The following PRKCB variants were observed in gnomAD, a reference collection of about 807,000 sequenced individuals.
The protein encoded by PRKCB is protein kinase C beta type.
A neutral mutation model predicts 81.5 loss-of-function variants in PRKCB; 13 were observed. The observed-to-expected ratio is 0.16, with a 90% CI of 0.10 to 0.25. The LOEUF (loss-of-function observed/expected upper bound fraction) is 0.25, where lower values mean the gene tolerates loss of function less well. PRKCB is among the 10% of genes least tolerant of loss of function. PRKCB has a pLI of 1.00. For missense variants in PRKCB, 509 were observed against 875.7 expected, an observed-to-expected ratio of 0.58 and a Z score of 5.29; for synonymous variants, 335 against 321.4, an observed-to-expected ratio of 1.04 and a Z score of -0.45.
rs188854961 is a variant in PRKCB, at chr16:24,195,287, C to T, written c.1863+4057C>T. Among the ~76,000 whole-genome samples the T allele has an allele frequency of 3.3e-3, 501 of 152,240 alleles. 1 individual carries two copies. Among genetic ancestry groups the T allele is most frequent in the Admixed American group, 5.2e-3 (79 of 15,292 alleles). On this transcript the variant is annotated intron_variant, in intron 16 of 16. Coordinates refer to ENST00000643927, the MANE Select transcript of PRKCB (RefSeq NM_002738.7). ...CATTGCAAATGCATTGCATGAGAGC[C>T]CTCCTCCCCCCAATCCCAGGATTTT...
Position 23,875,756 on chromosome 16 carries a change from A to ATGTG in PRKCB, c.205+38353_205+38354insGTGT, listed in dbSNP as rs1567298756. ...ATATATGTATGTATATCACACATAT[A>ATGTG]TGTATGTATATCACACATATATGTG... On this transcript the variant is annotated intron_variant, in intron 2 of 16. Coordinates refer to ENST00000643927, the MANE Select transcript of PRKCB (RefSeq NM_002738.7). 1.7e-3 allele frequency among the ~76,000 whole-genome samples: 236 copies of ATGTG among 135,848 alleles called. 8 individuals carry two copies. The highest frequency in any genetic ancestry group is 4.5e-3 in the Middle Eastern group (1 of 222). 89.1% of individuals were successfully genotyped at this position (135,848 alleles called of 152,430 possible).
intron 5 of PRKCB, among the ~76,000 whole-genome samples, chr16:24,086,326 A>C (rs1966310295): frequency 6.6e-6 from 1 of 152,096 alleles, no homozygotes; most frequent in Non-Finnish European, 1.5e-5. Flanking sequence ...CCAACAGATA[A>C]CTGAAACAGG....
intron 2 of PRKCB, among the ~76,000 whole-genome samples, chr16:23,933,844 T>TCATC (rs58975374): frequency 0.042 from 4,973 of 118,320 alleles, 167 homozygotes; most frequent in African/African-American, 0.08. Context: ...GATTTTCTAT[T>TCATC]CATCCATCCA....
In PRKCB at chr16:23,896,883, ACCATCCATCCAT is replaced by A. The variant is rs55662090; in HGVS notation, c.205+59509_205+59520del. Among the ~76,000 whole-genome samples the A allele has an allele frequency of 4.1e-3, 612 of 149,256 alleles. 4 individuals carry two copies. The highest frequency in any genetic ancestry group is 0.013 in the African/African-American group (522 of 40,374). On this transcript the variant is annotated intron_variant, in intron 2 of 16. Transcript: ENST00000643927. ...GGAAGGCTCTTCATCCATCCATCCA[ACCATCCATCCAT>A]CCATCCATCCATCCATCCATCCATC...
rs1360063482 is a variant in PRKCB at position 24,215,639 on chromosome 16, CA to C, written c.*831del. The C allele has an allele frequency of 6.2e-6, 6 of 964,182 alleles. No homozygotes were observed. The South Asian group carries it at 1.5e-4, about 23-fold the overall frequency. The allele number at this position is 964,182 out of a possible 1,614,324, so 59.7% of individuals were successfully genotyped here. On this transcript the variant is annotated 3_prime_UTR_variant, in exon 17 of 17. Transcript: ENST00000643927. ...TTTTGTTTCTGTTGTTGTTCAAATG[CA>C]AAAAAAAGAAAAAAAAAGAAAAAAA... is the stretch of plus-strand genomic sequence containing the variant.
At chr16:23,873,935 A>T (rs1962953587) in intron 2 of PRKCB, among the ~76,000 whole-genome samples, 1 of 152,134 alleles carries the variant, frequency 6.6e-6, no homozygotes, top group South Asian at 2.1e-4. Flanking sequence ...ATGATACTAG[A>T]TTCTTGCCTC....
chr16:24,088,714 CAAA>C (rs56883594), intron 5 of PRKCB, among the ~76,000 whole-genome samples: 2,451 of 113,582 alleles, frequency 0.022, 39 homozygotes, highest in African/African-American at 0.057. Flanking sequence ...GACCCTGTGT[CAAA>C]AAAAAAAAAA....
At chr16:23,931,158 T>A (rs1162579694) in intron 2 of PRKCB, among the ~76,000 whole-genome samples, 1 of 152,230 alleles carries the variant, frequency 6.6e-6, no homozygotes, top group Non-Finnish European at 1.5e-5. Context: ...ACTGTCCAGC[T>A]TTTTTATCTT....
chr16:23,883,911 T>A (rs1038358699), intron 2 of PRKCB, among the ~76,000 whole-genome samples: 2 of 152,212 alleles, frequency 1.3e-5, no homozygotes, highest in Non-Finnish European at 2.9e-5. Flanking sequence ...ATTAAAATGG[T>A]CAAAGGAAAC....
rs1311777305 is a variant in PRKCB, at chr16:24,217,277, A to G, written c.*2461A>G. ...GTTTGCAGAAATAGATACTCAAGCC[A>G]AAGTCTGTTTTAGAGAAACTTTCCA... On this transcript the variant is annotated 3_prime_UTR_variant, in exon 17 of 17. Coordinates refer to ENST00000643927, the MANE Select transcript of PRKCB (RefSeq NM_002738.7). 5 of 985,306 alleles carry G rather than the reference A, an allele frequency of 5.1e-6. No individual in the cohort carries two copies. The highest frequency in any genetic ancestry group is 6.0e-6 in the Non-Finnish European group (5 of 829,918). 61.0% of individuals were successfully genotyped at this position (985,306 alleles called of 1,614,324 possible).
chr16:24,166,934 C>G (rs1190240997), intron 10 of PRKCB, among the ~76,000 whole-genome samples: 1 of 151,948 alleles, frequency 6.6e-6, no homozygotes, highest in Non-Finnish European at 1.5e-5. Flanking sequence ...TGGAGCGATC[C>G]CCTGATGTGG....
At chr16:24,159,844 G>A (rs1470519990) in intron 10 of PRKCB, among the ~76,000 whole-genome samples, 3 of 151,920 alleles carry the variant, frequency 2.0e-5, no homozygotes, top group Non-Finnish European at 4.4e-5. Context: ...AAATTAGCTA[G>A]GAGTGATGCA....
intron 9 of PRKCB, among the ~76,000 whole-genome samples, chr16:24,136,502 C>T (rs1052040795): frequency 1.3e-5 from 2 of 152,082 alleles, no homozygotes; most frequent in Non-Finnish European, 2.9e-5. Context: ...TGTAGGGGGG[C>T]CCCCAGCCTG....
chr16:24,184,923 A>C (rs920056348), intron 13 of PRKCB, among the ~76,000 whole-genome samples, 188 bp from the exon 14 acceptor site: 1 of 152,220 alleles, frequency 6.6e-6, no homozygotes, highest in Non-Finnish European at 1.5e-5. Context: ...CGAAAAGGCA[A>C]TGTGACAGCC....
intron 7 of PRKCB, chr16:24,099,828 A>G (rs1966482093): frequency 6.6e-6 from 1 of 152,166 alleles, no homozygotes; most frequent in Non-Finnish European, 1.5e-5. Context: ...CAAAAAAATT[A>G]GCAAGTTGTG....
chr16:23,876,936 C>T (rs1186555060), intron 2 of PRKCB, among the ~76,000 whole-genome samples: 1 of 151,798 alleles, frequency 6.6e-6, no homozygotes, highest in Non-Finnish European at 1.5e-5. Context: ...TTGCAAGTAA[C>T]ATAAATGAAC....
chr16:23,976,374 G>A (rs1236232442), intron 2 of PRKCB, among the ~76,000 whole-genome samples: 1 of 152,150 alleles, frequency 6.6e-6, no homozygotes, highest in Non-Finnish European at 1.5e-5. Context: ...TAACAACTCT[G>A]CTGGAAAATA....
intron 3 of PRKCB, among the ~76,000 whole-genome samples, chr16:24,026,047 AG>A (rs1431710577): frequency 6.6e-6 from 1 of 152,214 alleles, no homozygotes; most frequent in Non-Finnish European, 1.5e-5. Context: ...CTGTAATCCT[AG>A]TACTTTGCAA....
At chr16:23,935,712 T>A (rs1355089784) in intron 2 of PRKCB, among the ~76,000 whole-genome samples, 1 of 152,120 alleles carries the variant, frequency 6.6e-6, no homozygotes, top group East Asian at 1.9e-4. Flanking sequence ...GAGAATGAAA[T>A]CATATCCTTT....
Sources: gnomAD v4.1 joint callset for allele counts (sites outside exome capture counted in the v4.1 genomes callset) on GRCh38, gnomAD v4.1.1 for gene constraint, MANE v1.5 for transcripts, NCBI Gene and HGNC (gene_info 2026-07-23, HGNC 2026-07-21) for gene names.